Variants in JAZF1 observed in about 807,000 individuals in gnomAD.
JAZF1 encodes JAZF zinc finger 1.
In JAZF1, 8 loss-of-function variants were observed where a neutral mutation model predicts 26.4. The ratio of observed to expected loss-of-function variants is 0.30; its 90% CI spans 0.18 to 0.55. The LOEUF (loss-of-function observed/expected upper bound fraction) is 0.55. Ranked by LOEUF, JAZF1 falls within the 20% of genes least tolerant of loss-of-function variation. The pLI, the probability that JAZF1 is intolerant of heterozygous loss-of-function variation, is 0.94. For synonymous variants in JAZF1, 126 were observed against 122.3 expected (o/e 1.03, Z -0.20); for missense variants, 199 against 322.0 (o/e 0.62, Z 2.92).
At chr7:27,910,079 GAA>G (rs1784335411) in intron 2 of JAZF1, among the ~76,000 whole-genome samples, 1 of 152,184 alleles carries the variant, frequency 6.6e-6, no homozygotes, top group Admixed American at 6.5e-5. Flanking sequence ...GAATGACACT[GAA>G]TGTTTATTAA....
At chr7:28,014,700 C>T (rs1051204637) in intron 1 of JAZF1, among the ~76,000 whole-genome samples, 65 of 152,194 alleles carry the variant, frequency 4.3e-4, no homozygotes, top group Admixed American at 3.3e-4. Flanking sequence ...TCTTTAACAG[C>T]AGCACGGAAA....
intron 1 of JAZF1, among the ~76,000 whole-genome samples, chr7:28,043,613 T>A (rs575400341): frequency 6.6e-6 from 1 of 152,152 alleles, no homozygotes; most frequent in African/African-American, 2.4e-5. Flanking sequence ...AGAATTACCA[T>A]ATGACGGGCA....
At chr7:28,163,148 TGCCCC>T (rs1562608742) in intron 1 of JAZF1, among the ~76,000 whole-genome samples, 1 of 152,236 alleles carries the variant, frequency 6.6e-6, no homozygotes, top group Non-Finnish European at 1.5e-5. Context: ...GTTTAACATG[TGCCCC>T]TCACACATCA....
In JAZF1 at chr7:27,889,669, C is replaced by T. The variant is rs531187517; in HGVS notation, c.385+5551G>A. Among the ~76,000 whole-genome samples, 25 of 152,264 alleles carry T rather than the reference C, an allele frequency of 1.6e-4. 1 individual carries two copies. The highest frequency in any genetic ancestry group is 1.0e-3 in the Admixed American group (16 of 15,296). ...ATCATGGGCCAGGTGCGGTGGCTCA[C>T]GCCTGTAATCCCAGCACCTTGGGAG... On this transcript the variant is annotated intron_variant, in intron 3 of 4. Transcript: ENST00000283928.
At chr7:28,107,676 A>C (rs577618849) in intron 1 of JAZF1, among the ~76,000 whole-genome samples, 1 of 152,302 alleles carries the variant, frequency 6.6e-6, no homozygotes, top group South Asian at 2.1e-4. Context: ...GGACATAAGG[A>C]CCTCACAGGT....
intron 2 of JAZF1, among the ~76,000 whole-genome samples, chr7:27,971,598 G>A (rs1463953033): frequency 6.6e-6 from 1 of 152,156 alleles, no homozygotes; most frequent in African/African-American, 2.4e-5. Flanking sequence ...CTCTACAAAT[G>A]GGAATGCACT....
chr7:27,915,584 T>C (rs1297632884), intron 2 of JAZF1, among the ~76,000 whole-genome samples: 3 of 152,232 alleles, frequency 2.0e-5, no homozygotes, highest in Non-Finnish European at 4.4e-5. Flanking sequence ...AACAGGTTTA[T>C]TATCCTGAAT....
chr7:27,841,602 A>G (rs1782921938), intron 3 of JAZF1: 1 of 152,238 alleles, frequency 6.6e-6, no homozygotes, highest in African/African-American at 2.4e-5. Flanking sequence ...GGGCTGACCC[A>G]TCACAGTTAC....
In JAZF1 at chr7:28,045,339, G is replaced by A. The variant is rs559975195; in HGVS notation, c.116-53358C>T. Among the ~76,000 whole-genome samples, 5 of 152,250 alleles carry A rather than the reference G, an allele frequency of 3.3e-5. No individual in the cohort carries two copies. In the South Asian group the frequency reaches 1.0e-3, roughly 32 times the overall value. Reference sequence around the variant, plus strand: ...AACCCAACCTGAATAACAAAAGAAGGGGAAGCTGCCAGGAATGGGAAGAGT... The same window carrying A: ...AACCCAACCTGAATAACAAAAGAAGAGGAAGCTGCCAGGAATGGGAAGAGT... On this transcript the variant is annotated intron_variant, in intron 1 of 4. Transcript: ENST00000283928.
At chr7:27,981,882 C>G (rs1010454295) in intron 2 of JAZF1, among the ~76,000 whole-genome samples, 1 of 152,210 alleles carries the variant, frequency 6.6e-6, no homozygotes, top group African/African-American at 2.4e-5. Flanking sequence ...GATTCAAGTT[C>G]TCTGGTGGTT....
intron 1 of JAZF1, among the ~76,000 whole-genome samples, chr7:28,012,042 C>T (rs1003069219): frequency 1.3e-5 from 2 of 152,118 alleles, no homozygotes; most frequent in African/African-American, 2.4e-5. Context: ...TTTCACAGTC[C>T]AGGGAAAAAA....
At chr7:28,038,808 A>C (rs1783339479) in intron 1 of JAZF1, among the ~76,000 whole-genome samples, 1 of 152,196 alleles carries the variant, frequency 6.6e-6, no homozygotes, top group Non-Finnish European at 1.5e-5. Context: ...TTTAAAGCAA[A>C]AGATTTGCTG....
At chr7:28,144,194 A>G (rs1782994777) in intron 1 of JAZF1, among the ~76,000 whole-genome samples, 1 of 152,236 alleles carries the variant, frequency 6.6e-6, no homozygotes. Flanking sequence ...TTCAAACCCA[A>G]GGTCACACAG....
chr7:27,919,097 G>A (rs1784487123), intron 2 of JAZF1, among the ~76,000 whole-genome samples: 1 of 152,198 alleles, frequency 6.6e-6, no homozygotes. Context: ...AGGTAGCACT[G>A]AAACACAGGT....
chr7:27,970,114 T>C (rs1173320632), intron 2 of JAZF1, among the ~76,000 whole-genome samples: 5 of 152,142 alleles, frequency 3.3e-5, no homozygotes, highest in African/African-American at 1.2e-4. Context: ...GAAGTATCTG[T>C]GCAAGTTCTT....
chr7:27,984,751 G>A (rs1229481876), intron 2 of JAZF1, among the ~76,000 whole-genome samples: 2 of 152,134 alleles, frequency 1.3e-5, no homozygotes, highest in African/African-American at 4.8e-5. Context: ...ATAACAAACT[G>A]TCTCTCAGAC....
chr7:27,998,852 C>T (rs1786075399), intron 1 of JAZF1, among the ~76,000 whole-genome samples: 1 of 152,230 alleles, frequency 6.6e-6, no homozygotes, highest in Non-Finnish European at 1.5e-5. Flanking sequence ...CTGCAACCTT[C>T]CCTATTCCTG....
intron 3 of JAZF1, among the ~76,000 whole-genome samples, chr7:27,872,657 A>G (rs1783603993): frequency 6.6e-6 from 1 of 152,194 alleles, no homozygotes; most frequent in Non-Finnish European, 1.5e-5. Flanking sequence ...ACTTACTTAC[A>G]CTCACAACCA....
At chr7:27,939,094 G>A (rs749323233) in intron 2 of JAZF1, among the ~76,000 whole-genome samples, 3 of 152,162 alleles carry the variant, frequency 2.0e-5, no homozygotes, top group Non-Finnish European at 4.4e-5. Flanking sequence ...AACACCTTGT[G>A]TTGCAGAGCC....
Sources: allele counts gnomAD v4.1 joint callset (sites outside exome capture counted in the v4.1 genomes callset), GRCh38; gene constraint gnomAD v4.1.1; transcripts MANE v1.5; gene names NCBI Gene and HGNC (gene_info 2026-07-23, HGNC 2026-07-21).